TPD52: variants seen among roughly 807,000 people sequenced by gnomAD.
TPD52 encodes prostate and colon associated protein.
In TPD52, 17 loss-of-function variants were observed where a neutral mutation model predicts 31.3. The observed-to-expected ratio is 0.54, with a 90% CI of 0.37 to 0.82. TPD52 has a LOEUF of 0.82. Among genes scored for constraint, TPD52 ranks in the 40% least tolerant of loss-of-function variants. The pLI, the probability that TPD52 is intolerant of heterozygous loss-of-function variation, is 0.00. For missense variants in TPD52, 212 were observed against 240.1 expected, an observed-to-expected ratio of 0.88 and a Z score of 0.77; for synonymous variants, 83 against 89.6, an observed-to-expected ratio of 0.93 and a Z score of 0.42.
rs1809805168 is a variant in TPD52 at position 80,034,950 on chromosome 8, CA to C, written c.*3165del. ...GCAGACCCGACTCTCTGAGAACTTA[CA>C]AACAAAAAGTGAAAAGCTCTTAGTT... On this transcript the variant is annotated 3_prime_UTR_variant, in exon 8 of 8. Coordinates refer to ENST00000518937, the MANE Select transcript of TPD52 (RefSeq NM_001025253.3). 1 of 141,760 alleles carries C rather than the reference CA, an allele frequency of 7.1e-6. No homozygotes were observed. Among genetic ancestry groups the C allele is most frequent in the South Asian group, 2.1e-4 (1 of 4,818 alleles). 8.8% of individuals were successfully genotyped at this position (141,760 alleles called of 1,614,324 possible).
intron 1 of TPD52, among the ~76,000 whole-genome samples, chr8:80,119,145 C>T (rs77218731): frequency 0.031 from 4,660 of 152,116 alleles, 236 homozygotes; most frequent in African/African-American, 0.11. Flanking sequence ...CATCATGTGA[C>T]GTGAAAGAAG....
At chr8:80,117,307 A>G (rs1463358089) in intron 1 of TPD52, among the ~76,000 whole-genome samples, 1 of 152,252 alleles carries the variant, frequency 6.6e-6, no homozygotes, top group Non-Finnish European at 1.5e-5. Context: ...TTGCAGGCTT[A>G]TAAGATCAAT....
chr8:80,042,371 A>G (rs894792231), intron 7 of TPD52: 30 of 985,356 alleles, frequency 3.0e-5, no homozygotes, highest in Non-Finnish European at 3.4e-5. Context: ...ACAAATTTCT[A>G]AAGTGCCATT....
chr8:80,086,911 C>CAAAAAAAAAAAA (rs1815845476), intron 1 of TPD52, among the ~76,000 whole-genome samples: 2 of 88,644 alleles, frequency 2.3e-5, no homozygotes, highest in Non-Finnish European at 4.9e-5. Flanking sequence ...AAAAAAAAAT[C>CAAAAAAAAAAAA]AAATTTACTG....
intron 1 of TPD52, among the ~76,000 whole-genome samples, chr8:80,085,768 C>T (rs949147867): frequency 3.3e-5 from 5 of 152,084 alleles, no homozygotes; most frequent in Non-Finnish European, 7.4e-5. Flanking sequence ...TGCTAAAGCT[C>T]GGGAGAAATT....
intron 7 of TPD52, among the ~76,000 whole-genome samples, chr8:80,040,277 TC>T (rs1432217778): frequency 7.5e-6 from 1 of 134,222 alleles, no homozygotes; most frequent in Non-Finnish European, 1.5e-5. Flanking sequence ...TCACTCTGCC[TC>T]CCGGGCTCAA....
intron 1 of TPD52, among the ~76,000 whole-genome samples, chr8:80,083,113 T>C (rs939872579): frequency 6.6e-6 from 1 of 151,924 alleles, no homozygotes; most frequent in Non-Finnish European, 1.5e-5. Context: ...AGAAAGGAAC[T>C]GAAAGACATA....
At chr8:80,103,244 A>G (rs1806873363) in intron 1 of TPD52, among the ~76,000 whole-genome samples, 1 of 152,216 alleles carries the variant, frequency 6.6e-6, no homozygotes, top group Non-Finnish European at 1.5e-5. Context: ...CTGTCACTTT[A>G]AATTCGTGTG....
At chr8:80,145,859 T>G (rs1810157306) in intron 1 of TPD52, among the ~76,000 whole-genome samples, 1 of 152,190 alleles carries the variant, frequency 6.6e-6, no homozygotes, top group Non-Finnish European at 1.5e-5. Context: ...AGATAATGTT[T>G]TTCCTGATTT....
At chr8:80,080,488 G>A (rs765270261) in intron 1 of TPD52, 14 of 1,609,650 alleles carry the variant, frequency 8.7e-6, no homozygotes, top group Admixed American at 3.3e-5. Context: ...CTGTCTAATC[G>A]CCTGATATCA....
At chr8:80,105,878 C>T (rs1172182505) in intron 1 of TPD52, among the ~76,000 whole-genome samples, 2 of 151,982 alleles carry the variant, frequency 1.3e-5, no homozygotes, top group Non-Finnish European at 2.9e-5. Context: ...ATTATAGGTG[C>T]TCACCACCAC....
rs1810030718 is a variant in TPD52, at chr8:80,038,060, T to C, written c.*56A>G. Reference sequence around the variant, plus strand: ...CATGGCAATGCATGTTGACAAGATGTGCTTGGACCTCGCTTGCAGCATCTG... The same window carrying C: ...CATGGCAATGCATGTTGACAAGATGCGCTTGGACCTCGCTTGCAGCATCTG... On this transcript the variant is annotated 3_prime_UTR_variant, in exon 8 of 8. Transcript: ENST00000518937. The C allele has an allele frequency of 7.5e-6, 12 of 1,594,284 alleles. No individual in the cohort carries two copies. The highest frequency in any genetic ancestry group is 1.3e-5 in the African/African-American group (1 of 74,366).
rs147083914 is a variant in TPD52 at position 80,040,441 on chromosome 8, T to C, written c.504+2179A>G. Among the ~76,000 whole-genome samples the C allele has an allele frequency of 2.3e-4, 35 of 152,230 alleles. No homozygotes were observed. In the East Asian group the frequency reaches 6.0e-3, roughly 26 times the overall value. On this transcript the variant is annotated intron_variant, in intron 7 of 7. Transcript: ENST00000518937. ...CTGGACTCAAGTGATCTGCCTGCCT[T>C]GGCCTCACAAAGTGCTGGAATTACA...
intron 1 of TPD52, among the ~76,000 whole-genome samples, chr8:80,076,268 T>C (rs1814519212): frequency 6.6e-6 from 1 of 152,176 alleles, no homozygotes; most frequent in Admixed American, 6.5e-5. Flanking sequence ...TGCCCATCAA[T>C]GATAGACTGA....
At chr8:80,086,273 C>G (rs532814560) in intron 1 of TPD52, among the ~76,000 whole-genome samples, 1 of 151,610 alleles carries the variant, frequency 6.6e-6, no homozygotes, top group South Asian at 2.1e-4. Flanking sequence ...CGCACACCAC[C>G]ACGCCCAGCT....
chr8:80,055,507 G>T (rs1251545852), intron 2 of TPD52, among the ~76,000 whole-genome samples: 1 of 152,178 alleles, frequency 6.6e-6, no homozygotes, highest in Non-Finnish European at 1.5e-5. Context: ...TCTAGACAAA[G>T]ATTTTATGGC....
intron 1 of TPD52, among the ~76,000 whole-genome samples, chr8:80,155,961 TGG>T (rs968046945): frequency 6.6e-6 from 1 of 151,956 alleles, no homozygotes; most frequent in African/African-American, 2.4e-5. Flanking sequence ...TGCATTTGTT[TGG>T]GGGGTACATC....
At chr8:80,108,156 A>G (rs1807260138) in intron 1 of TPD52, among the ~76,000 whole-genome samples, 1 of 152,208 alleles carries the variant, frequency 6.6e-6, no homozygotes, top group Non-Finnish European at 1.5e-5. Flanking sequence ...GTTATTTTTC[A>G]AATGCTTTCG....
intron 1 of TPD52, among the ~76,000 whole-genome samples, chr8:80,143,351 C>A (rs549053220): frequency 6.6e-6 from 1 of 152,330 alleles, no homozygotes; most frequent in East Asian, 1.9e-4. Flanking sequence ...TTTACTGCTA[C>A]AAATCCCGAA....
Sources: allele counts gnomAD v4.1 joint callset (sites outside exome capture counted in the v4.1 genomes callset), GRCh38; gene constraint gnomAD v4.1.1; transcripts MANE v1.5; gene names NCBI Gene and HGNC (gene_info 2026-07-23, HGNC 2026-07-21).